Variants in SLCO3A1 observed in about 807,000 individuals in gnomAD.
SLCO3A1 encodes PGE1 transporter.
A neutral mutation model predicts 63.1 loss-of-function variants in SLCO3A1; 27 were observed. The ratio of observed to expected loss-of-function variants is 0.43; its 90% CI spans 0.32 to 0.59. The LOEUF (loss-of-function observed/expected upper bound fraction) is 0.59, where lower values mean the gene tolerates loss of function less well. Among genes scored for constraint, SLCO3A1 ranks in the 20% least tolerant of loss-of-function variants. The pLI is 0.09. For synonymous variants in SLCO3A1, 473 were observed against 409.9 expected (o/e 1.15, Z -1.86); for missense variants, 773 against 945.8 (o/e 0.82, Z 2.40).
In SLCO3A1 at chr15:91,883,690, T is replaced by C. The variant is rs745462290; in HGVS notation, c.180+29602T>C. On this transcript the variant is annotated intron_variant, in intron 1 of 9. Transcript: ENST00000318445. This position sits in a 1 kb window ranked among gnomAD's most constrained non-coding sequence, Gnocchi z 4.8. ...TGTTCATACGCTCATAATTAGTTCA[T>C]GTGTTTTGCTGGGTTGTGCATAGAA... Among the ~76,000 whole-genome samples the C allele has an allele frequency of 1.3e-5, 2 of 152,246 alleles. No homozygotes were observed. Among genetic ancestry groups the C allele is most frequent in the Non-Finnish European group, 2.9e-5 (2 of 68,044 alleles).
intron 1 of SLCO3A1, among the ~76,000 whole-genome samples, chr15:91,913,735 T>C (rs1026992801): frequency 2.6e-5 from 4 of 152,224 alleles, no homozygotes; most frequent in African/African-American, 9.6e-5. Context: ...ACAGTGTCCA[T>C]ATTTGTAGAT....
chr15:92,048,969 A>G (rs74030429), intron 2 of SLCO3A1, among the ~76,000 whole-genome samples: 6,188 of 152,252 alleles, frequency 0.041, 393 homozygotes, highest in African/African-American at 0.14. Context: ...CCATGAAATG[A>G]TTGGCTTTAG....
intron 2 of SLCO3A1, among the ~76,000 whole-genome samples, chr15:92,085,650 G>A (rs776562350): frequency 3.3e-5 from 5 of 152,184 alleles, no homozygotes; most frequent in Admixed American, 2.0e-4. Flanking sequence ...TTAAAATCAC[G>A]TTTTCTTGCC....
rs34607768 is a variant in SLCO3A1, at chr15:91,867,507, CT to C, written c.180+13434del. 4.3e-3 allele frequency among the ~76,000 whole-genome samples: 617 copies of C among 142,674 alleles called. 1 individual carries two copies. The highest frequency in any genetic ancestry group is 7.3e-3 in the Middle Eastern group (2 of 274). The allele number at this position is 142,674 out of a possible 152,430, so 93.6% of individuals were successfully genotyped here. A position where few individuals can be genotyped will look rare whatever the true frequency, so the allele number is the denominator to read the frequency against. Reference sequence around the variant, plus strand: ...TTAGGAAAGGTCCTATTATATTTGACTTTTTTTTTTTTTTTAAATAAAACCA... The same window carrying C: ...TTAGGAAAGGTCCTATTATATTTGACTTTTTTTTTTTTTTAAATAAAACCA... On this transcript the variant is annotated intron_variant, in intron 1 of 9. Transcript: ENST00000318445.
At chr15:92,157,256 A>T (rs1219026661) in intron 9 of SLCO3A1, 1 of 152,186 alleles carries the variant, frequency 6.6e-6, no homozygotes, top group Non-Finnish European at 1.5e-5. Flanking sequence ...GGAGAAGACA[A>T]GATAAAAAAA....
chr15:92,084,033 C>G (rs1291098215), intron 2 of SLCO3A1, among the ~76,000 whole-genome samples: 1 of 152,166 alleles, frequency 6.6e-6, no homozygotes, highest in African/African-American at 2.4e-5. Flanking sequence ...TTGGTTTATC[C>G]TCAGTCATCC....
At chr15:92,040,203 T>G (rs918571415) in intron 2 of SLCO3A1, among the ~76,000 whole-genome samples, 1 of 152,062 alleles carries the variant, frequency 6.6e-6, no homozygotes, top group African/African-American at 2.4e-5. Flanking sequence ...ATCCCAGAAC[T>G]CAAAGTAAAA....
chr15:92,165,486 G>C lies in SLCO3A1; in HGVS notation c.*2351G>C, dbSNP rs1190477925. 2.0e-6 allele frequency: 2 copies of C among 983,064 alleles called. No homozygotes were observed. Among genetic ancestry groups the C allele is most frequent in the African/African-American group, 1.8e-5 (1 of 56,844 alleles). The allele number at this position is 983,064 out of a possible 1,614,324, so 60.9% of individuals were successfully genotyped here. On this transcript the variant is annotated 3_prime_UTR_variant, in exon 10 of 10. Transcript: ENST00000318445. ...AGGCCCTTTGACCTAGTGTTTTATG[G>C]AACTATTTGCTTTGAGAGAAAAAAA... is the stretch of plus-strand genomic sequence containing the variant.
chr15:92,115,192 A>G (rs989047775), intron 4 of SLCO3A1, among the ~76,000 whole-genome samples: 15 of 152,086 alleles, frequency 9.9e-5, no homozygotes, highest in African/African-American at 3.1e-4. Context: ...GGAACTGGAC[A>G]TGGAAACCAA....
chr15:92,002,456 G>A (rs1236979500), intron 2 of SLCO3A1, among the ~76,000 whole-genome samples: 3 of 152,180 alleles, frequency 2.0e-5, no homozygotes, highest in African/African-American at 4.8e-5. Context: ...ATAAGGCCCA[G>A]GTGATGAAAA....
intron 7 of SLCO3A1, among the ~76,000 whole-genome samples, chr15:92,135,349 C>T (rs2048044344): frequency 1.3e-5 from 2 of 152,190 alleles, no homozygotes. Context: ...ACAGGACGTG[C>T]TCAGGCTCAC....
At chr15:92,093,497 CAT>C (rs1421556164) in intron 2 of SLCO3A1, among the ~76,000 whole-genome samples, 2 of 152,220 alleles carry the variant, frequency 1.3e-5, no homozygotes, top group African/African-American at 4.8e-5. Flanking sequence ...TACACTTCAA[CAT>C]GAGATTTGGA....
Position 91,950,484 on chromosome 15 carries a change from G to A in SLCO3A1, c.646+34026G>A, listed in dbSNP as rs1899962045. On this transcript the variant is annotated intron_variant, in intron 2 of 9. Transcript: ENST00000318445. The surrounding 1 kb of genome is among the most constrained non-coding windows in gnomAD (Gnocchi z 4.4). ...AGGAAGGGCAGATGAGCCCCTGCAGGGGAACGTTGTGCAGTATGGCAGGCG... is the reference window on the plus strand; with the variant it reads ...AGGAAGGGCAGATGAGCCCCTGCAGAGGAACGTTGTGCAGTATGGCAGGCG... 6.6e-6 allele frequency among the ~76,000 whole-genome samples: 1 copy of A among 152,252 alleles called. No homozygotes were observed. The highest frequency in any genetic ancestry group is 1.9e-4 in the East Asian group (1 of 5,202).
intron 1 of SLCO3A1, among the ~76,000 whole-genome samples, chr15:91,902,013 T>C (rs4485332): frequency 0.46 from 69,780 of 151,780 alleles, 16,492 homozygotes; most frequent in East Asian, 0.78. Context: ...ATTTTTCTTC[T>C]CTGTGGTTCA....
chr15:91,964,741 T>G (rs535414603), intron 2 of SLCO3A1, among the ~76,000 whole-genome samples: 1 of 149,522 alleles, frequency 6.7e-6, no homozygotes, highest in Non-Finnish European at 1.5e-5. Context: ...TAAAATTAGA[T>G]AGTTTTTTTT....
At chr15:92,009,377 C>T (rs1262416765) in intron 2 of SLCO3A1, among the ~76,000 whole-genome samples, 2 of 152,184 alleles carry the variant, frequency 1.3e-5, no homozygotes, top group Non-Finnish European at 2.9e-5. Flanking sequence ...CACTCAGGAG[C>T]CTGGTTAGGT....
At position 92,165,435 on chromosome 15, in the gene SLCO3A1, C is replaced by T. The variant is rs1279715143; in HGVS notation, c.*2300C>T. ...TCACTCTTATAGATTATTGCTTGGCCCTTCAAACTCAGTACACACACACTG... is the reference window on the plus strand; with the variant it reads ...TCACTCTTATAGATTATTGCTTGGCTCTTCAAACTCAGTACACACACACTG... On this transcript the variant is annotated 3_prime_UTR_variant, in exon 10 of 10. Transcript: ENST00000318445. The T allele has an allele frequency of 1.0e-6, 1 of 984,872 alleles. No individual in the cohort carries two copies. Among genetic ancestry groups the T allele is most frequent in the African/African-American group, 1.8e-5 (1 of 57,114 alleles). The allele number at this position is 984,872 out of a possible 1,614,324, so 61.0% of individuals were successfully genotyped here. A position where few individuals can be genotyped will look rare whatever the true frequency, so the allele number is the denominator to read the frequency against.
chr15:91,912,275 T>G lies in SLCO3A1; in HGVS notation c.181-3718T>G, dbSNP rs1898511103. Among the ~76,000 whole-genome samples the G allele has an allele frequency of 6.6e-6, 1 of 152,186 alleles. No individual in the cohort carries two copies. Among genetic ancestry groups the G allele is most frequent in the African/African-American group, 2.4e-5 (1 of 41,450 alleles). On this transcript the variant is annotated intron_variant, in intron 1 of 9. Coordinates refer to ENST00000318445, the MANE Select transcript of SLCO3A1 (RefSeq NM_013272.4). This position sits in a 1 kb window ranked among gnomAD's most constrained non-coding sequence, Gnocchi z 5.0. ...CTTAGTCTGTCTTCTCAAAATTGTG[T>G]TTTAAATGAGTGAAAACATTAGCCT...
chr15:92,144,453 T>C (rs1430930571), intron 7 of SLCO3A1, among the ~76,000 whole-genome samples: 1 of 152,196 alleles, frequency 6.6e-6, no homozygotes, highest in Non-Finnish European at 1.5e-5. Flanking sequence ...AGATTGATGA[T>C]AGTCTCTAGG....
Sources: allele counts gnomAD v4.1 joint callset (sites outside exome capture counted in the v4.1 genomes callset), GRCh38; gene constraint gnomAD v4.1.1; non-coding constraint Gnocchi (gnomAD v3.1); transcripts MANE v1.5; gene names NCBI Gene and HGNC (gene_info 2026-07-23, HGNC 2026-07-21).